The following CAMTA1 variants were observed in gnomAD, a reference collection of about 807,000 sequenced individuals.
The protein encoded by CAMTA1 is calmodulin-binding transcription activator 1.
A neutral mutation model predicts 170.9 loss-of-function variants in CAMTA1; 27 were observed. The observed-to-expected ratio is 0.16, with a 90% confidence interval of 0.12 to 0.22. The LOEUF (loss-of-function observed/expected upper bound fraction) is 0.22, where lower values mean the gene tolerates loss of function less well. Ranked by LOEUF, CAMTA1 falls within the 10% of genes least tolerant of loss-of-function variation. The pLI is 1.00. For synonymous variants in CAMTA1, 833 were observed against 891.5 expected (o/e 0.93, Z 1.17); for missense variants, 1,619 against 2,217.2 (o/e 0.73, Z 5.42).
In CAMTA1 at chr1:7,463,100, C is replaced by T. The variant is rs906980830; in HGVS notation, c.439-4730C>T. 3.3e-5 allele frequency among the ~76,000 whole-genome samples: 5 copies of T among 152,162 alleles called. No homozygotes were observed. The highest frequency in any genetic ancestry group is 1.3e-4 in the Admixed American group (2 of 15,270). ...GTGGGCACATAAGGCCTCCTGGGGC[C>T]GGGGGTTCATGTGAGCAGGGACACG... is the stretch of plus-strand genomic sequence containing the variant. On this transcript the variant is annotated intron_variant, in intron 5 of 22. Transcript: ENST00000303635. The surrounding 1 kb of genome is among the most constrained non-coding windows in gnomAD (Gnocchi z 4.7).
intron 3 of CAMTA1, among the ~76,000 whole-genome samples, chr1:7,019,053 C>T (rs1000888167): frequency 2.6e-5 from 4 of 152,188 alleles, no homozygotes; most frequent in Non-Finnish European, 4.4e-5. Flanking sequence ...GGGGTGGATG[C>T]CCGCATGCCT....
intron 5 of CAMTA1, among the ~76,000 whole-genome samples, chr1:7,411,960 C>G (rs1167470884): frequency 6.8e-6 from 1 of 147,948 alleles, no homozygotes; most frequent in Non-Finnish European, 1.5e-5. Flanking sequence ...TTCCTGTGTC[C>G]ATGTGTTCTC....
intron 4 of CAMTA1, among the ~76,000 whole-genome samples, chr1:7,121,309 C>T (rs369561501): frequency 9.8e-4 from 149 of 152,338 alleles, no homozygotes; most frequent in African/African-American, 3.5e-3. Context: ...CCCAGTAGGG[C>T]ATTCTGATGG....
chr1:7,408,424 TGCCTC>T (rs1397495525), intron 5 of CAMTA1, among the ~76,000 whole-genome samples: 1 of 152,202 alleles, frequency 6.6e-6, no homozygotes, highest in Non-Finnish European at 1.5e-5. Context: ...CTCCTCCCCA[TGCCTC>T]GCCTCGCTCC....
At position 7,290,026 on chromosome 1, in the gene CAMTA1, T is replaced by C. The variant is rs148286476; in HGVS notation, c.438+40400T>C. Among the ~76,000 whole-genome samples the C allele has an allele frequency of 5.8e-4, 88 of 152,318 alleles. 1 individual carries two copies. The highest frequency in any genetic ancestry group is 2.1e-3 in the African/African-American group (87 of 41,566). On this transcript the variant is annotated intron_variant, in intron 5 of 22. Coordinates refer to ENST00000303635, the MANE Select transcript of CAMTA1 (RefSeq NM_015215.4). ...TCTGGCATCCAGAACTCTGAGACAA[T>C]AAATTGCTCTTGCTTTAACCCACCC...
chr1:6,939,570 C>T (rs771525731), intron 3 of CAMTA1, among the ~76,000 whole-genome samples: 64 of 152,208 alleles, frequency 4.2e-4, no homozygotes, highest in Non-Finnish European at 5.6e-4. Context: ...CATGGCCTCC[C>T]GTCCTCTCTG....
chr1:7,383,426 C>A (rs113932361), intron 5 of CAMTA1, among the ~76,000 whole-genome samples: 2 of 152,132 alleles, frequency 1.3e-5, no homozygotes, highest in African/African-American at 4.8e-5. Flanking sequence ...AGATTCAAAC[C>A]GGTTAAAACC....
At position 7,086,262 on chromosome 1, in the gene CAMTA1, G is replaced by A. The variant is rs1455102326; in HGVS notation, c.235-5042G>A. ...AGCATCGATGTGGTATTTAGGATCC[G>A]GGAGGAGGAGGAAGCTAAGGGAGCC... On this transcript the variant is annotated intron_variant, in intron 3 of 22. Transcript: ENST00000303635. 5.9e-5 allele frequency among the ~76,000 whole-genome samples: 9 copies of A among 152,152 alleles called. No individual in the cohort carries two copies. In the South Asian group the frequency reaches 8.3e-4, roughly 14 times the overall value.
At chr1:7,553,003 G>T (rs2094823816) in intron 6 of CAMTA1, among the ~76,000 whole-genome samples, 1 of 152,236 alleles carries the variant, frequency 6.6e-6, no homozygotes, top group African/African-American at 2.4e-5. Flanking sequence ...TCTGGGAGCT[G>T]CAATAGGAAC....
intron 6 of CAMTA1, among the ~76,000 whole-genome samples, chr1:7,531,315 C>T (rs953986674): frequency 6.6e-6 from 1 of 152,178 alleles, no homozygotes; most frequent in Non-Finnish European, 1.5e-5. Context: ...TCTTACCTCT[C>T]CATGCCTCAC....
At chr1:7,346,087 G>T (rs1006109764) in intron 5 of CAMTA1, among the ~76,000 whole-genome samples, 7 of 152,180 alleles carry the variant, frequency 4.6e-5, no homozygotes, top group African/African-American at 1.7e-4. Context: ...GCATCAGTTG[G>T]GCTCACTTTT....
intron 6 of CAMTA1, among the ~76,000 whole-genome samples, chr1:7,598,553 CA>C (rs1270686218): frequency 6.6e-6 from 1 of 152,232 alleles, no homozygotes; most frequent in African/African-American, 2.4e-5. Context: ...GTCCCACCAA[CA>C]GTGTAAAAGT....
chr1:7,062,874 A>C (rs1708446241), intron 3 of CAMTA1, among the ~76,000 whole-genome samples: 1 of 151,846 alleles, frequency 6.6e-6, no homozygotes, highest in South Asian at 2.1e-4. Flanking sequence ...CTCCATCTTC[A>C]CGCGGCCTCC....
Position 7,188,949 on chromosome 1 carries a change from T to A in CAMTA1, c.303-60542T>A, listed in dbSNP as rs569239143. 2.0e-4 allele frequency among the ~76,000 whole-genome samples: 30 copies of A among 152,344 alleles called. No individual in the cohort carries two copies. The East Asian group carries it at 5.6e-3, about 28-fold the overall frequency. On this transcript the variant is annotated intron_variant, in intron 4 of 22. Transcript: ENST00000303635. ...CCAGCAATGCACAAGAGTTCCAATTTTTCCACATCCTCACCAACTCTTGTT... is the reference window on the plus strand; with the variant it reads ...CCAGCAATGCACAAGAGTTCCAATTATTCCACATCCTCACCAACTCTTGTT...
At chr1:7,246,610 C>G (rs888805936) in intron 4 of CAMTA1, among the ~76,000 whole-genome samples, 1 of 151,388 alleles carries the variant, frequency 6.6e-6, no homozygotes, top group Non-Finnish European at 1.5e-5. Context: ...TCATTCGTCC[C>G]AGAGCAGGAC....
rs866257985 is a variant in CAMTA1 at position 7,579,552 on chromosome 1, C to T, written c.511-60848C>T. Among the ~76,000 whole-genome samples the T allele has an allele frequency of 2.1e-3, 170 of 79,210 alleles. 2 individuals are homozygous for T. The highest frequency in any genetic ancestry group is 8.5e-3 in the African/African-American group (145 of 16,980). 52.0% of individuals were successfully genotyped at this position (79,210 alleles called of 152,430 possible). A position where few individuals can be genotyped will look rare whatever the true frequency, so the allele number is the denominator to read the frequency against. On this transcript the variant is annotated intron_variant, in intron 6 of 22. Transcript: ENST00000303635. ...GGTCCACTTTCTTTTCTTTTCTTTT[C>T]TTTTTTTTTTTTTTTTTTTTTTTTT...
At chr1:6,968,136 G>A (rs1691885621) in intron 3 of CAMTA1, among the ~76,000 whole-genome samples, 1 of 152,162 alleles carries the variant, frequency 6.6e-6, no homozygotes, top group Non-Finnish European at 1.5e-5. Flanking sequence ...AATTCCGTTG[G>A]CCCCTCCCTG....
intron 5 of CAMTA1, among the ~76,000 whole-genome samples, chr1:7,408,022 G>A (rs1422842227): frequency 6.6e-6 from 1 of 152,308 alleles, no homozygotes; most frequent in South Asian, 2.1e-4. Context: ...GACCCTGAGT[G>A]GGAGAAAGGT....
chr1:7,589,606 C>T (rs1385806346), intron 6 of CAMTA1, among the ~76,000 whole-genome samples: 3 of 152,200 alleles, frequency 2.0e-5, no homozygotes, highest in Non-Finnish European at 4.4e-5. Flanking sequence ...CTTCCCTCGA[C>T]CTCTGTCGCT....
Sources: gnomAD v4.1 joint callset for allele counts (sites outside exome capture counted in the v4.1 genomes callset) on GRCh38, gnomAD v4.1.1 for gene constraint, Gnocchi (gnomAD v3.1) non-coding constraint, MANE v1.5 for transcripts, NCBI Gene and HGNC (gene_info 2026-07-23, HGNC 2026-07-21) for gene names.